The following UBE2H variants were observed in gnomAD, a reference collection of about 807,000 sequenced individuals.
UBE2H encodes the protein ubiquitin-conjugating enzyme E2 H.
In UBE2H, 3 loss-of-function variants were observed where a neutral mutation model predicts 29.0. The ratio of observed to expected loss-of-function variants is 0.10; its 90% confidence interval spans 0.05 to 0.27. UBE2H has a LOEUF of 0.27. Ranked by LOEUF, UBE2H falls within the 10% of genes least tolerant of loss-of-function variation. The pLI is 1.00. For synonymous variants in UBE2H, 69 were observed against 82.9 expected (o/e 0.83, Z 0.91); for missense variants, 68 against 228.2 (o/e 0.30, Z 4.52).
intron 1 of UBE2H, among the ~76,000 whole-genome samples, chr7:129,890,652 G>A (rs566515852): frequency 8.5e-5 from 13 of 152,192 alleles, no homozygotes; most frequent in African/African-American, 2.9e-4. Context: ...TACTACAGGC[G>A]TGAGCCACTG....
At position 129,831,675 on chromosome 7, in the gene UBE2H, T is replaced by C. The variant is rs1271923212; in HGVS notation, c.*3262A>G. 3 of 152,208 alleles carry C rather than the reference T, an allele frequency of 2.0e-5. No individual in the cohort carries two copies. The highest frequency in any genetic ancestry group is 1.9e-4 in the East Asian group (1 of 5,200). 9.4% of individuals were successfully genotyped at this position (152,208 alleles called of 1,614,324 possible). A position where few individuals can be genotyped will look rare whatever the true frequency, so the allele number is the denominator to read the frequency against. ...ACTAGGATAAAATGCTGGTTGAAACTGCACAGTAACCTCAAGGAGGGTGAT... is the reference window on the plus strand; with the variant it reads ...ACTAGGATAAAATGCTGGTTGAAACCGCACAGTAACCTCAAGGAGGGTGAT... On this transcript the variant is annotated 3_prime_UTR_variant, in exon 7 of 7. Transcript: ENST00000355621.
intron 3 of UBE2H, among the ~76,000 whole-genome samples, chr7:129,863,808 G>GT (rs34701981): frequency 0.064 from 8,756 of 135,954 alleles, 374 homozygotes; most frequent in South Asian, 0.17. Context: ...AATACTAGGT[G>GT]TTTTTTTTTT....
intron 1 of UBE2H, chr7:129,949,205 C>G: frequency 3.1e-6 from 1 of 323,982 alleles, no homozygotes; most frequent in African/African-American, 2.2e-5. Flanking sequence ...TGTTCCTCCA[C>G]CAGGGAGAAC....
At chr7:129,840,259 C>T (rs1421094381) in intron 5 of UBE2H, among the ~76,000 whole-genome samples, 1 of 152,068 alleles carries the variant, frequency 6.6e-6, no homozygotes, top group African/African-American at 2.4e-5. Context: ...GATCATACCT[C>T]ACTGCAACTT....
At chr7:129,847,999 A>T (rs1363166545) in intron 5 of UBE2H, among the ~76,000 whole-genome samples, 2 of 152,202 alleles carry the variant, frequency 1.3e-5, no homozygotes, top group Non-Finnish European at 2.9e-5. Context: ...CAGGGCAGCC[A>T]TCTACTAAAT....
intron 1 of UBE2H, among the ~76,000 whole-genome samples, chr7:129,898,824 T>TTC (rs765517529): frequency 2.8e-4 from 42 of 151,478 alleles, no homozygotes; most frequent in Non-Finnish European, 5.3e-4. Context: ...TTTTTTTTTT[T>TTC]TTCTTGTCTT....
intron 5 of UBE2H, among the ~76,000 whole-genome samples, chr7:129,849,249 A>G (rs1805565981): frequency 6.6e-6 from 1 of 152,224 alleles, no homozygotes; most frequent in East Asian, 1.9e-4. Flanking sequence ...GAATTCAAAG[A>G]AACAGTTTTG....
intron 6 of UBE2H, 22 bp downstream of exon 6, chr7:129,839,185 G>A: frequency 1.2e-6 from 2 of 1,606,112 alleles, no homozygotes; most frequent in South Asian, 1.1e-5. Flanking sequence ...TTGTCTCCAG[G>A]TTAAACTACC....
At chr7:129,936,244 T>A (rs1807524512) in intron 1 of UBE2H, among the ~76,000 whole-genome samples, 1 of 152,100 alleles carries the variant, frequency 6.6e-6, no homozygotes, top group Admixed American at 6.5e-5. Context: ...TTCAAGTGAG[T>A]AATATGCCCA....
At chr7:129,881,956 A>T (rs1806263483) in intron 1 of UBE2H, among the ~76,000 whole-genome samples, 2 of 152,124 alleles carry the variant, frequency 1.3e-5, no homozygotes, top group African/African-American at 4.8e-5. Context: ...AACAAAACAA[A>T]AAAAAATTTT....
At chr7:129,948,760 G>T (rs933243125) in intron 1 of UBE2H, among the ~76,000 whole-genome samples, 2 of 152,226 alleles carry the variant, frequency 1.3e-5, no homozygotes, top group Non-Finnish European at 2.9e-5. Context: ...TACATATGGT[G>T]TATGCCGGTC....
At chr7:129,885,980 G>A (rs926643118) in intron 1 of UBE2H, among the ~76,000 whole-genome samples, 11 of 152,162 alleles carry the variant, frequency 7.2e-5, no homozygotes, top group African/African-American at 2.4e-4. Context: ...CACTAAGAAG[G>A]CAGGTTAAAA....
intron 1 of UBE2H, among the ~76,000 whole-genome samples, chr7:129,912,983 G>A (rs1017611889): frequency 5.3e-5 from 8 of 152,174 alleles, no homozygotes; most frequent in Non-Finnish European, 2.9e-5. Flanking sequence ...CAGGTGCGGT[G>A]GTCACGCCTG....
chr7:129,916,477 A>T (rs1183624328), intron 1 of UBE2H, among the ~76,000 whole-genome samples: 2 of 20,026 alleles, frequency 1.0e-4, no homozygotes, highest in South Asian at 2.5e-3. Context: ...TAACAATTAA[A>T]AAAAAAAAAA....
chr7:129,936,804 G>GA (rs1171897255), intron 1 of UBE2H, among the ~76,000 whole-genome samples: 2,009 of 77,872 alleles, frequency 0.026, 76 homozygotes, highest in African/African-American at 0.08. Flanking sequence ...TCTCTACTAG[G>GA]AAAAAAAAAA....
intron 3 of UBE2H, among the ~76,000 whole-genome samples, chr7:129,875,575 C>T (rs1806130224): frequency 6.6e-6 from 1 of 152,144 alleles, no homozygotes; most frequent in South Asian, 2.1e-4. Flanking sequence ...TATCATAATA[C>T]CTTTTCTAAC....
chr7:129,878,162 G>A (rs1806183735), intron 3 of UBE2H, among the ~76,000 whole-genome samples: 1 of 152,164 alleles, frequency 6.6e-6, no homozygotes, highest in South Asian at 2.1e-4. Context: ...AAAAGGAGAA[G>A]GTGTACAGGC....
intron 1 of UBE2H, among the ~76,000 whole-genome samples, chr7:129,941,785 T>C (rs1198966500): frequency 6.6e-6 from 1 of 152,156 alleles, no homozygotes; most frequent in East Asian, 1.9e-4. Context: ...AGATAAATTG[T>C]TTATAATTTA....
At chr7:129,937,356 C>G (rs1807552932) in intron 1 of UBE2H, among the ~76,000 whole-genome samples, 1 of 151,966 alleles carries the variant, frequency 6.6e-6, no homozygotes, top group South Asian at 2.1e-4. Flanking sequence ...AAAGAAAAAA[C>G]ATACAATTTA....
Sources: allele counts gnomAD v4.1 joint callset (sites outside exome capture counted in the v4.1 genomes callset), GRCh38; gene constraint gnomAD v4.1.1; transcripts MANE v1.5; gene names NCBI Gene and HGNC (gene_info 2026-07-23, HGNC 2026-07-21).